The following SPAG16 variants were observed in gnomAD, a reference collection of about 807,000 sequenced individuals.
SPAG16 encodes the protein sperm-associated antigen 16 protein.
SPAG16 carries 86 observed loss-of-function variants against 80.4 expected under a neutral mutation model. The ratio of observed to expected loss-of-function variants is 1.07; its 90% CI spans 0.90 to 1.28. The LOEUF (loss-of-function observed/expected upper bound fraction) is 1.28, where lower values mean the gene tolerates loss of function less well. Ranked by LOEUF, SPAG16 falls within the 50% of genes most tolerant of loss-of-function variation. The pLI is 0.00. For missense variants in SPAG16, 870 were observed against 765.3 expected (o/e 1.14, Z -1.61); for synonymous variants, 294 against 265.9 (o/e 1.11, Z -1.03).
At chr2:213,540,346 G>A (rs993738806) in intron 10 of SPAG16, among the ~76,000 whole-genome samples, 3 of 151,932 alleles carry the variant, frequency 2.0e-5, no homozygotes, top group Admixed American at 6.6e-5. Flanking sequence ...CACCATGCCC[G>A]GCCCAAAAAC....
intron 13 of SPAG16, among the ~76,000 whole-genome samples, chr2:214,031,851 T>A (rs1474858735): frequency 6.6e-6 from 1 of 151,958 alleles, no homozygotes; most frequent in Admixed American, 6.6e-5. Flanking sequence ...TACACACTTT[T>A]AAACAACCAG....
chr2:213,868,172 T>C (rs999641103), intron 11 of SPAG16, among the ~76,000 whole-genome samples: 5 of 152,102 alleles, frequency 3.3e-5, no homozygotes, highest in African/African-American at 7.2e-5. Context: ...GTTATCTAAC[T>C]CTTCTCAGCT....
At chr2:213,366,670 A>T (rs12619750) in intron 8 of SPAG16, among the ~76,000 whole-genome samples, 39,471 of 152,046 alleles carry the variant, frequency 0.26, 5,902 homozygotes, top group Middle Eastern at 0.44. Context: ...ACACATGGGG[A>T]TTATGGGAGC....
chr2:214,190,183 C>T (rs537717851), intron 15 of SPAG16, among the ~76,000 whole-genome samples: 44 of 152,230 alleles, frequency 2.9e-4, no homozygotes, highest in African/African-American at 8.2e-4. Flanking sequence ...TCGTCTGTGT[C>T]TGCCTCAATA....
chr2:214,061,295 T>C (rs904228401), intron 13 of SPAG16, among the ~76,000 whole-genome samples: 1 of 152,120 alleles, frequency 6.6e-6, no homozygotes, highest in Non-Finnish European at 1.5e-5. Context: ...ACCAGACAGA[T>C]TGGAAAAACT....
chr2:213,667,312 C>T (rs558264109), intron 10 of SPAG16, among the ~76,000 whole-genome samples: 1 of 152,022 alleles, frequency 6.6e-6, no homozygotes, highest in African/African-American at 2.4e-5. Flanking sequence ...TGAAGCAGTT[C>T]CATAGAAACA....
chr2:213,864,481 G>A (rs767817163), intron 11 of SPAG16, among the ~76,000 whole-genome samples: 2 of 152,042 alleles, frequency 1.3e-5, no homozygotes, highest in Non-Finnish European at 2.9e-5. Flanking sequence ...ATAGTCTTCA[G>A]AGTCCAGCTC....
At chr2:213,525,584 G>C (rs1418648097) in intron 10 of SPAG16, among the ~76,000 whole-genome samples, 1 of 151,978 alleles carries the variant, frequency 6.6e-6, no homozygotes, top group Non-Finnish European at 1.5e-5. Context: ...ACTGCACCTG[G>C]CCAATTAAAC....
chr2:213,655,973 G>A (rs2063207294), intron 10 of SPAG16, among the ~76,000 whole-genome samples: 1 of 152,116 alleles, frequency 6.6e-6, no homozygotes, highest in Admixed American at 6.5e-5. Context: ...TATTTCTGGT[G>A]GGTTTTGAAA....
At chr2:214,101,458 G>A (rs1420881967) in intron 13 of SPAG16, among the ~76,000 whole-genome samples, 2 of 151,974 alleles carry the variant, frequency 1.3e-5, no homozygotes, top group African/African-American at 4.8e-5. Context: ...GAGGGCATTT[G>A]CACCTATCAT....
chr2:213,994,453 C>T (rs2046422975), intron 12 of SPAG16, among the ~76,000 whole-genome samples: 1 of 151,992 alleles, frequency 6.6e-6, no homozygotes, highest in Non-Finnish European at 1.5e-5. Flanking sequence ...TTCTGGTCAA[C>T]AGAATGATTC....
intron 10 of SPAG16, among the ~76,000 whole-genome samples, chr2:213,717,111 T>C (rs1304872331): frequency 6.6e-6 from 1 of 152,078 alleles, no homozygotes; most frequent in Non-Finnish European, 1.5e-5. Flanking sequence ...CTTTCTGCTG[T>C]ACTCGCTCCC....
intron 15 of SPAG16, among the ~76,000 whole-genome samples, chr2:214,267,656 A>G (rs1691676845): frequency 6.6e-6 from 1 of 151,862 alleles, no homozygotes; most frequent in Non-Finnish European, 1.5e-5. Context: ...TATCACAAAT[A>G]AATGGAAAGA....
Position 214,026,467 on chromosome 2 carries a change from CATA to C in SPAG16, c.1527+12395_1527+12397del, listed in dbSNP as rs149508765. Among the ~76,000 whole-genome samples, 1,126 of 151,534 alleles carry C rather than the reference CATA, an allele frequency of 7.4e-3. 19 individuals are homozygous for C. Among genetic ancestry groups the C allele is most frequent in the African/African-American group, 0.025 (1,038 of 41,482 alleles). On this transcript the variant is annotated intron_variant, in intron 13 of 15. Coordinates refer to ENST00000331683, the MANE Select transcript of SPAG16 (RefSeq NM_024532.5). ...TGTGTAATGTGAAAGAATAAATCTG[CATA>C]ATAACAGTGAAGTGTGTAAATAAGT...
intron 15 of SPAG16, among the ~76,000 whole-genome samples, chr2:214,228,961 G>A (rs549619458): frequency 2.1e-4 from 32 of 151,768 alleles, no homozygotes; most frequent in African/African-American, 7.7e-4. Context: ...CAGCCTAAAT[G>A]GATAGAAACA....
At chr2:214,087,428 A>G (rs2051845558) in intron 13 of SPAG16, among the ~76,000 whole-genome samples, 1 of 152,168 alleles carries the variant, frequency 6.6e-6, no homozygotes, top group Admixed American at 6.6e-5. Context: ...TAATTCAGTC[A>G]TTCAGCAAAT....
At chr2:213,366,886 C>T (rs563820578) in intron 8 of SPAG16, among the ~76,000 whole-genome samples, 1 of 152,198 alleles carries the variant, frequency 6.6e-6, no homozygotes, top group East Asian at 1.9e-4. Flanking sequence ...GTGCTGCACC[C>T]ATTAACTCAT....
intron 10 of SPAG16, among the ~76,000 whole-genome samples, chr2:213,536,922 A>G (rs1456013896): frequency 3.3e-5 from 5 of 152,092 alleles, no homozygotes; most frequent in African/African-American, 1.2e-4. Flanking sequence ...CCAAATGTCC[A>G]ACAATGATAG....
At chr2:214,227,926 T>C (rs1688390714) in intron 15 of SPAG16, among the ~76,000 whole-genome samples, 1 of 151,946 alleles carries the variant, frequency 6.6e-6, no homozygotes, top group Non-Finnish European at 1.5e-5. Context: ...GATGAGATTC[T>C]GTACTGTGAC....
Sources: allele counts gnomAD v4.1 joint callset (sites outside exome capture counted in the v4.1 genomes callset), GRCh38; gene constraint gnomAD v4.1.1; transcripts MANE v1.5; gene names NCBI Gene and HGNC (gene_info 2026-07-23, HGNC 2026-07-21).